Variants in FBXO11 observed in about 807,000 individuals in gnomAD.
FBXO11 encodes F-box only protein 11.
A neutral mutation model predicts 117.0 loss-of-function variants in FBXO11; 13 were observed. The ratio of observed to expected loss-of-function variants is 0.11; its 90% CI spans 0.07 to 0.18. The LOEUF is 0.18. Ranked by LOEUF, FBXO11 falls within the 10% of genes least tolerant of loss-of-function variation. FBXO11 has a pLI of 1.00. For synonymous variants in FBXO11, 490 were observed against 380.5 expected (o/e 1.29, Z -3.35); for missense variants, 767 against 1,164.4 (o/e 0.66, Z 4.97).
intron 1 of FBXO11, among the ~76,000 whole-genome samples, chr2:47,872,342 G>A (rs1017526197): frequency 2.6e-5 from 4 of 152,144 alleles, no homozygotes; most frequent in East Asian, 1.9e-4. Context: ...ATTTGTGTGC[G>A]TGAGACAGTT....
intron 1 of FBXO11, among the ~76,000 whole-genome samples, chr2:47,857,137 G>C (rs1674359762): frequency 6.6e-6 from 1 of 152,100 alleles, no homozygotes; most frequent in Non-Finnish European, 1.5e-5. Context: ...TTTAATTAGG[G>C]CACCAGATTT....
At chr2:47,899,013 G>A (rs996566099) in intron 1 of FBXO11, among the ~76,000 whole-genome samples, 2 of 152,070 alleles carry the variant, frequency 1.3e-5, no homozygotes, top group African/African-American at 2.4e-5. Context: ...GGTGGCTCAT[G>A]CCTGTAATCC....
chr2:47,857,676 A>G (rs1674418260), intron 1 of FBXO11, among the ~76,000 whole-genome samples: 1 of 152,230 alleles, frequency 6.6e-6, no homozygotes, highest in Non-Finnish European at 1.5e-5. Context: ...GAGAAGGGAC[A>G]TTAACAAATG....
chr2:47,871,174 T>C (rs1675599231), intron 1 of FBXO11, among the ~76,000 whole-genome samples: 1 of 152,198 alleles, frequency 6.6e-6, no homozygotes, highest in South Asian at 2.1e-4. Flanking sequence ...AGCTACCTGC[T>C]TGCTCTCTTC....
At chr2:47,814,547 T>A (rs1670877949) in intron 16 of FBXO11, among the ~76,000 whole-genome samples, 1 of 151,960 alleles carries the variant, frequency 6.6e-6, no homozygotes, top group African/African-American at 2.4e-5. Flanking sequence ...CCCAGTTAAT[T>A]TTTGTATTTT....
intron 1 of FBXO11, among the ~76,000 whole-genome samples, chr2:47,887,248 G>T (rs147147581): frequency 0.023 from 3,373 of 145,898 alleles, 144 homozygotes; most frequent in African/African-American, 0.081. Flanking sequence ...TTGTGCCATC[G>T]CACTCCAGCC....
intron 11 of FBXO11, among the ~76,000 whole-genome samples, chr2:47,827,905 CA>C (rs1440674506): frequency 6.6e-6 from 1 of 150,476 alleles, no homozygotes; most frequent in Non-Finnish European, 1.5e-5. Context: ...CCAAGTTAGC[CA>C]GGCTGGTCTC....
intron 1 of FBXO11, among the ~76,000 whole-genome samples, chr2:47,894,495 G>A (rs1158966046): frequency 6.6e-6 from 1 of 152,146 alleles, no homozygotes; most frequent in Non-Finnish European, 1.5e-5. Flanking sequence ...GCAAAAGGAA[G>A]CAAGTTTTTG....
chr2:47,892,323 T>G (rs1677314278), intron 1 of FBXO11, among the ~76,000 whole-genome samples: 2 of 152,188 alleles, frequency 1.3e-5, no homozygotes, highest in Admixed American at 6.5e-5. Flanking sequence ...CACCAAAAAT[T>G]TTTAGATATT....
chr2:47,844,086 C>G (rs972239272), intron 1 of FBXO11, among the ~76,000 whole-genome samples: 1 of 152,176 alleles, frequency 6.6e-6, no homozygotes, highest in Non-Finnish European at 1.5e-5. Flanking sequence ...TTTTGCTTTT[C>G]AGCCAAGGCA....
chr2:47,850,784 T>C (rs1009220566), intron 1 of FBXO11, among the ~76,000 whole-genome samples: 3 of 152,238 alleles, frequency 2.0e-5, no homozygotes, highest in Non-Finnish European at 2.9e-5. Context: ...TTTCCTGTTA[T>C]GTATCACGTT....
Position 47,905,767 on chromosome 2 carries a change from C to T in FBXO11, c.-47G>A. The T allele has an allele frequency of 6.7e-7, 1 of 1,503,330 alleles. No homozygotes were observed. The allele number at this position is 1,503,330 out of a possible 1,614,324, so 93.1% of individuals were successfully genotyped here. A position where few individuals can be genotyped will look rare whatever the true frequency, so the allele number is the denominator to read the frequency against. ...GTTGGCGGAGGGACACACACACGCA[C>T]ACGCACAGCGAGCTTCGGGGCAGGA... On this transcript the variant is annotated 5_prime_UTR_variant, in exon 1 of 23. It adds an upstream start codon to the 5' untranslated region. Transcript: ENST00000403359.
chr2:47,841,735 G>T (rs1047701720), intron 1 of FBXO11, among the ~76,000 whole-genome samples: 2 of 151,970 alleles, frequency 1.3e-5, no homozygotes, highest in African/African-American at 4.8e-5. Flanking sequence ...CCACCTCCTG[G>T]GTTCACGCCA....
rs549068979 is a variant in FBXO11, at chr2:47,905,999, C to T, written c.-279G>A. 1.1e-5 allele frequency: 4 copies of T among 380,328 alleles called. No individual in the cohort carries two copies. Among genetic ancestry groups the T allele is most frequent in the South Asian group, 4.4e-5 (1 of 22,704 alleles). The allele number at this position is 380,328 out of a possible 1,614,324, so 23.6% of individuals were successfully genotyped here. On this transcript the variant is annotated 5_prime_UTR_variant, in exon 1 of 23. Coordinates refer to ENST00000403359, the MANE Select transcript of FBXO11 (RefSeq NM_001190274.2). ...GCGGGGCGGCCGCGAGGGACGAAGG[C>T]AGAAAGACGGGCAGACCGAGAGAAA... is the stretch of plus-strand genomic sequence containing the variant.
At chr2:47,831,659 G>GA (rs1302248966) in intron 11 of FBXO11, among the ~76,000 whole-genome samples, 3 of 151,458 alleles carry the variant, frequency 2.0e-5, no homozygotes, top group Non-Finnish European at 4.4e-5. Context: ...GACATTAAAT[G>GA]AAAAAAAATC....
intron 1 of FBXO11, among the ~76,000 whole-genome samples, chr2:47,903,968 G>C (rs1248761272): frequency 6.6e-6 from 1 of 152,204 alleles, no homozygotes; most frequent in Non-Finnish European, 1.5e-5. Context: ...TGTTGCACAA[G>C]ATCTCCAACT....
At position 47,817,823 on chromosome 2, in the gene FBXO11, G is replaced by A. The variant is rs562585123; in HGVS notation, c.2006+956C>T. On this transcript the variant is annotated intron_variant, in intron 16 of 22. Coordinates refer to ENST00000403359, the MANE Select transcript of FBXO11 (RefSeq NM_001190274.2). ...TGTTATCTTGGGCGCAGTTAATGGT[G>A]TCCCAAAACAATTACAATAGTAACA... Among the ~76,000 whole-genome samples, 3 of 152,354 alleles carry A rather than the reference G, an allele frequency of 2.0e-5. No individual in the cohort carries two copies. The South Asian group carries it at 6.2e-4, about 32-fold the overall frequency.
chr2:47,864,238 C>G (rs1376763620), intron 1 of FBXO11, among the ~76,000 whole-genome samples: 1 of 152,122 alleles, frequency 6.6e-6, no homozygotes, highest in Non-Finnish European at 1.5e-5. Context: ...CACGGTATTT[C>G]ATGAGAAAAC....
chr2:47,880,244 A>T (rs1676339676), intron 1 of FBXO11, among the ~76,000 whole-genome samples: 1 of 152,094 alleles, frequency 6.6e-6, no homozygotes, highest in East Asian at 1.9e-4. Context: ...CAATCCACCC[A>T]ACTTGGCCTC....
Sources: allele counts gnomAD v4.1 joint callset (sites outside exome capture counted in the v4.1 genomes callset), GRCh38; gene constraint gnomAD v4.1.1; transcripts MANE v1.5; gene names NCBI Gene and HGNC (gene_info 2026-07-23, HGNC 2026-07-21).